PKD1L3: variants seen among roughly 807,000 people sequenced by gnomAD.
PKD1L3 encodes the protein polycystin 1 like 3, transient receptor potential channel interacting, also known as polycystin-1-like protein 3.
In PKD1L3, 239 loss-of-function variants were observed where a neutral mutation model predicts 184.1. The ratio of observed to expected loss-of-function variants is 1.30; its 90% CI spans 1.17 to 1.45. PKD1L3 has a LOEUF of 1.45. PKD1L3 is among the 40% of genes most tolerant of loss of function. PKD1L3 has a pLI of 0.00. For synonymous variants in PKD1L3, 996 were observed against 778.8 expected, an observed-to-expected ratio of 1.28 and a Z score of -4.64; for missense variants, 2,660 against 2,067.2, an observed-to-expected ratio of 1.29 and a Z score of -5.56.
At chr16:71,961,890 C>G (rs1350682516) in intron 16 of PKD1L3, among the ~76,000 whole-genome samples, 1 of 152,096 alleles carries the variant, frequency 6.6e-6, no homozygotes, top group East Asian at 1.9e-4. Context: ...AGTCAAGTAC[C>G]AGAAGAAACA....
intron 9 of PKD1L3, among the ~76,000 whole-genome samples, chr16:71,979,502 A>G (rs1346831570): frequency 1.1e-4 from 16 of 152,174 alleles, no homozygotes; most frequent in Non-Finnish European, 1.9e-4. Context: ...AAGAAAACAA[A>G]AAACACAACA....
chr16:71,963,043 G>T (rs1452977077), intron 16 of PKD1L3, among the ~76,000 whole-genome samples, 162 bp downstream of exon 16: 2 of 151,928 alleles, frequency 1.3e-5, no homozygotes. Flanking sequence ...TGATTTTTAA[G>T]GTAATGGTTA....
intron 4 of PKD1L3, among the ~76,000 whole-genome samples, chr16:71,989,488 G>T (rs1257885848): frequency 6.6e-6 from 1 of 152,180 alleles, no homozygotes; most frequent in African/African-American, 2.4e-5. Context: ...ACTTATTTTT[G>T]CAGCGAGCAT....
In PKD1L3 at chr16:71,969,886, C is replaced by A; in HGVS notation, c.2173G>T (p.Asp725Tyr). 1.3e-6 allele frequency: 2 copies of A among 1,547,968 alleles called. No homozygotes were observed. The highest frequency in any genetic ancestry group is 1.7e-6 in the Non-Finnish European group (2 of 1,143,624). The change falls in exon 13 of 30, where the codon GAT (aspartate) becomes TAT (tyrosine). Residue 725 changes from aspartate (D) to tyrosine (Y), a missense_variant. Coordinates refer to ENST00000620267, the MANE Select transcript of PKD1L3 (RefSeq NM_181536.2). ...VVWARKKDQA[D>Y]MQKVKVTVLA... Reference sequence around the variant, plus strand: ...CAAAGTCTCATTACCTTCTGCATATCTGCTTGATCCTTTTTCCGAGCCCAC... The same window carrying A: ...CAAAGTCTCATTACCTTCTGCATATATGCTTGATCCTTTTTCCGAGCCCAC...
In PKD1L3 at chr16:71,954,118, C is replaced by G; in HGVS notation, c.2796G>C (p.Lys932Asn). 6.5e-7 allele frequency: 1 copy of G among 1,542,584 alleles called. No homozygotes were observed. Among genetic ancestry groups the G allele is most frequent in the Non-Finnish European group, 8.7e-7 (1 of 1,143,722 alleles). Residue 932 changes from lysine to asparagine, a missense_variant, in exon 17 of 30, where the codon AAG becomes AAC. Transcript: ENST00000620267. ...MFWKINSTTA[K>N]RDEQMRPFAV... ...GCTCATCCATACTTTGCTCATCTCT[C>G]TTGGCAGTGGTGCTGTTTATCTTCC... is the stretch of plus-strand genomic sequence containing the variant.
Position 71,973,387 on chromosome 16 carries a change from G to C in PKD1L3, c.1890C>G (p.Thr630=). The C allele has an allele frequency of 1.9e-6, 3 of 1,551,634 alleles. No individual in the cohort carries two copies. The highest frequency in any genetic ancestry group is 2.6e-6 in the Non-Finnish European group (3 of 1,146,992). Residue 630 remains threonine (T), a synonymous_variant, in exon 12 of 30, where the codon ACC becomes ACG. Transcript: ENST00000620267. ...CCCAGTAGTAACACTGAGTGACGGC[G>C]GTGATGACCGAGACCAAGCTGGGTG... ...QQTPSLVSVI[T]AVTQCYYWEI...
intron 3 of PKD1L3, among the ~76,000 whole-genome samples, chr16:71,990,885 A>G (rs552815318): frequency 1.1e-4 from 17 of 152,246 alleles, no homozygotes; most frequent in Non-Finnish European, 2.1e-4. Context: ...AAAAAAGTTC[A>G]GAAAGCTGTT....
Position 71,937,420 on chromosome 16 carries a change from CT to C in PKD1L3, c.4325-2del. 6.5e-7 allele frequency: 1 copy of C among 1,550,386 alleles called. No individual in the cohort carries two copies. The highest frequency in any genetic ancestry group is 8.7e-7 in the Non-Finnish European group (1 of 1,146,622). On this transcript the variant is annotated splice_acceptor_variant, in intron 24 of 29. Transcript: ENST00000620267. LOFTEE classifies it high-confidence loss of function. ...AGTCTCAAAGAGGTGAAGAAAGCAC[CT>C]GAGAATAACAAAGAACACCTGGAGT...
At position 71,949,868 on chromosome 16, in the gene PKD1L3, T is replaced by G. The variant is rs1164769613; in HGVS notation, c.3533A>C (p.Glu1178Ala). ...GCTGGTGGCTTGGTCTTTGCTCAATTCCAAGCTATAAAGTGCTGTAAAAAA... is the reference window on the plus strand; with the variant it reads ...GCTGGTGGCTTGGTCTTTGCTCAATGCCAAGCTATAAAGTGCTGTAAAAAA... ...SAFFTALYSL[E>A]LSKDQATSWM... Residue 1178 changes from glutamate to alanine, a missense_variant, in exon 21 of 30, where the codon GAA becomes GCA. Physicochemically the swap from Glu to Ala is moderately radical, Grantham distance 107. Coordinates refer to ENST00000620267, the MANE Select transcript of PKD1L3 (RefSeq NM_181536.2). The G allele has an allele frequency of 1.3e-6, 2 of 1,551,576 alleles. No homozygotes were observed. The highest frequency in any genetic ancestry group is 1.2e-5 in the South Asian group (1 of 84,060).
Position 71,952,875 on chromosome 16 carries a change from A to G in PKD1L3, c.3009+19T>C. 6.6e-7 allele frequency: 1 copy of G among 1,525,210 alleles called. No homozygotes were observed. The highest frequency in any genetic ancestry group is 1.2e-5 in the South Asian group (1 of 80,364). 94.5% of individuals were successfully genotyped at this position (1,525,210 alleles called of 1,614,324 possible). Reference sequence around the variant, plus strand: ...CAGGCAATAAAATAAGATAAAATAAAATTTGATACCAATCTTACCTCAACT... The same window carrying G: ...CAGGCAATAAAATAAGATAAAATAAGATTTGATACCAATCTTACCTCAACT... On this transcript the variant is annotated intron_variant, in intron 18 of 29. Transcript: ENST00000620267.
At chr16:71,984,691 T>G (rs1455434714) in intron 5 of PKD1L3, among the ~76,000 whole-genome samples, 2 of 152,130 alleles carry the variant, frequency 1.3e-5, no homozygotes, top group Non-Finnish European at 2.9e-5. Context: ...AAACCCTGTC[T>G]CTACTAAAAA....
At chr16:71,956,178 G>C (rs918503355) in intron 16 of PKD1L3, among the ~76,000 whole-genome samples, 2 of 134,840 alleles carry the variant, frequency 1.5e-5, no homozygotes, top group African/African-American at 5.6e-5. Flanking sequence ...CTTTAAAAAG[G>C]AAGGAATTTT....
intron 21 of PKD1L3, 41 bp downstream of exon 21, chr16:71,949,742 A>G (rs1444816069): frequency 6.6e-7 from 1 of 1,515,328 alleles, no homozygotes; most frequent in African/African-American, 1.4e-5. Flanking sequence ...CAGTTCCCCT[A>G]ACTTCTGCAA....
chr16:71,935,218 G>A, intron 26 of PKD1L3, 140 bp downstream of exon 26: 1 of 882,558 alleles, frequency 1.1e-6, no homozygotes, highest in Non-Finnish European at 1.7e-6. Flanking sequence ...CTCTGCTGTG[G>A]ACATGAGTCC....
intron 24 of PKD1L3, among the ~76,000 whole-genome samples, chr16:71,940,979 G>A (rs1327062539): frequency 1.3e-5 from 2 of 151,892 alleles, no homozygotes; most frequent in African/African-American, 4.8e-5. Context: ...GAGACAACAT[G>A]TGCACACCAC....
chr16:71,954,599 G>A (rs901600770), intron 16 of PKD1L3, among the ~76,000 whole-genome samples: 4 of 152,122 alleles, frequency 2.6e-5, no homozygotes, highest in Non-Finnish European at 4.4e-5. Flanking sequence ...TAAGAGTTTT[G>A]ATGAATTTTT....
intron 4 of PKD1L3, among the ~76,000 whole-genome samples, chr16:71,989,466 A>C (rs2040504365): frequency 6.6e-6 from 1 of 152,176 alleles, no homozygotes; most frequent in Admixed American, 6.5e-5. Context: ...GTTCTTTTAT[A>C]CTGTTAGAAA....
chr16:71,958,305 T>G (rs377052660), intron 16 of PKD1L3, among the ~76,000 whole-genome samples: 3 of 147,402 alleles, frequency 2.0e-5, no homozygotes, highest in Non-Finnish European at 4.5e-5. Context: ...GAGAATGGCT[T>G]GAACCCGGGA....
At chr16:71,977,643 C>G (rs377058686) in intron 10 of PKD1L3, among the ~76,000 whole-genome samples, 176 bp from the exon 11 acceptor site, 2 of 151,206 alleles carry the variant, frequency 1.3e-5, no homozygotes, top group Non-Finnish European at 2.9e-5. Context: ...GCAATCCTCC[C>G]GCTTCAGTCT....
Sources: gnomAD v4.1 joint callset for allele counts (sites outside exome capture counted in the v4.1 genomes callset) on GRCh38, gnomAD v4.1.1 for gene constraint, MANE v1.5 for transcripts, NCBI Gene and HGNC (gene_info 2026-07-23, HGNC 2026-07-21) for gene names.